Variants in SIDT1 observed in about 807,000 individuals in gnomAD.
SIDT1 encodes the protein SID1 transmembrane family, member 1.
SIDT1 carries 101 observed loss-of-function variants against 107.5 expected under a neutral mutation model. That is an observed-to-expected ratio of 0.94 (90% CI 0.80 to 1.11). The LOEUF is 1.11. Among genes scored for constraint, SIDT1 ranks in the 50% least tolerant of loss-of-function variants. The pLI is 0.00. For missense variants in SIDT1, 1,076 were observed against 1,058.2 expected (o/e 1.02, Z -0.23); for synonymous variants, 395 against 398.2 (o/e 0.99, Z 0.10).
intron 14 of SIDT1, 49 bp downstream of exon 14, chr3:113,605,025 A>C: frequency 6.3e-7 from 1 of 1,594,120 alleles, no homozygotes; most frequent in Non-Finnish European, 8.6e-7. Flanking sequence ...TTCTTTCTGC[A>C]GGGAGAGTCT....
rs369734070 is a variant in SIDT1 at position 113,608,403 on chromosome 3, C to A, written c.1603-16C>A. On this transcript the variant is annotated splice_polypyrimidine_tract_variant and intron_variant, in intron 16 of 24. Coordinates refer to ENST00000264852, the MANE Select transcript of SIDT1 (RefSeq NM_017699.3). Reference sequence around the variant, plus strand: ...CACTATTTAGTATCTATTGACCACCCTTTCTCCTTTTTCAGGAGTACGGGA... The same window carrying A: ...CACTATTTAGTATCTATTGACCACCATTTCTCCTTTTTCAGGAGTACGGGA... 6.3e-7 allele frequency: 1 copy of A among 1,590,692 alleles called. No homozygotes were observed.
At chr3:113,555,849 CTTTT>C (rs11367567) in intron 1 of SIDT1, among the ~76,000 whole-genome samples, 111 of 126,738 alleles carry the variant, frequency 8.8e-4, no homozygotes, top group Middle Eastern at 8.0e-3. Context: ...ACTATATAAT[CTTTT>C]TTTTTTTTTT....
In SIDT1 at chr3:113,566,338, T is replaced by TTGTGTGTGTGTGTG. The variant is rs55802002; in HGVS notation, c.223-68_223-55dup. The TTGTGTGTGTGTGTG allele has an allele frequency of 1.6e-5, 18 of 1,099,468 alleles. No homozygotes were observed. In the African/African-American group the frequency reaches 1.7e-4, roughly 11 times the overall value. 68.1% of individuals were successfully genotyped at this position (1,099,468 alleles called of 1,614,324 possible). The stretch of plus-strand genomic sequence containing the variant: ...CTATGGTGTGTGTGTTTGTGTGTGT[T>TTGTGTGTGTGTGTG]TGTGTGTGTGTGTGTGTGTGTGTGT... On this transcript the variant is annotated intron_variant, in intron 1 of 24. Transcript: ENST00000264852.
intron 17 of SIDT1, among the ~76,000 whole-genome samples, chr3:113,609,759 G>A (rs1945608226): frequency 6.6e-6 from 1 of 152,102 alleles, no homozygotes; most frequent in South Asian, 2.1e-4. Context: ...TTTCAATAGA[G>A]AAAACTGCAG....
chr3:113,590,265 T>A (rs1944049687), intron 9 of SIDT1: 1 of 152,160 alleles, frequency 6.6e-6, no homozygotes, highest in East Asian at 1.9e-4. Flanking sequence ...GAAGAGAAGT[T>A]CTTCCACCAA....
chr3:113,621,868 G>A (rs915932515), intron 21 of SIDT1, among the ~76,000 whole-genome samples: 5 of 152,242 alleles, frequency 3.3e-5, no homozygotes, highest in East Asian at 1.9e-4. Context: ...TCACACGTAC[G>A]GTCCAATACA....
intron 15 of SIDT1, among the ~76,000 whole-genome samples, chr3:113,607,433 C>T (rs1028803764): frequency 2.0e-5 from 3 of 152,200 alleles, no homozygotes; most frequent in African/African-American, 7.2e-5. Context: ...CATTAAACAA[C>T]CTCGTGAGAT....
rs1946971980 is a variant in SIDT1 at position 113,628,118 on chromosome 3, C to T, written c.*410C>T. The stretch of plus-strand genomic sequence containing the variant: ...CAGAAAGGCCAGCAGCTTGGACTTC[C>T]TGCCCAGAAACTGTGTTGGCCCCCT... On this transcript the variant is annotated 3_prime_UTR_variant, in exon 25 of 25. Coordinates refer to ENST00000264852, the MANE Select transcript of SIDT1 (RefSeq NM_017699.3). 3 of 182,882 alleles carry T rather than the reference C, an allele frequency of 1.6e-5. No individual in the cohort carries two copies. Among genetic ancestry groups the T allele is most frequent in the Non-Finnish European group, 3.4e-5 (3 of 87,016 alleles). 11.3% of individuals were successfully genotyped at this position (182,882 alleles called of 1,614,324 possible).
intron 10 of SIDT1, among the ~76,000 whole-genome samples, chr3:113,597,696 G>A (rs1944672109): frequency 6.6e-6 from 1 of 152,104 alleles, no homozygotes; most frequent in Admixed American, 6.5e-5. Flanking sequence ...TAAAAAGCAA[G>A]CGTGCAAGCA....
At chr3:113,552,189 A>G (rs1450412652) in intron 1 of SIDT1, among the ~76,000 whole-genome samples, 1 of 152,144 alleles carries the variant, frequency 6.6e-6, no homozygotes, top group Non-Finnish European at 1.5e-5. Context: ...CCTGCCTTCT[A>G]AAAAATATCC....
downstream of SIDT1, among the ~76,000 whole-genome samples, chr3:113,631,801 C>T (rs534699993): frequency 2.0e-5 from 3 of 152,284 alleles, no homozygotes; most frequent in South Asian, 6.2e-4. Context: ...TCCTGAAGCA[C>T]GGTCTTGCTA....
intron 1 of SIDT1, among the ~76,000 whole-genome samples, chr3:113,557,136 G>A (rs1237431731): frequency 6.6e-6 from 1 of 152,168 alleles, no homozygotes; most frequent in Non-Finnish European, 1.5e-5. Context: ...AGTCGAGCAA[G>A]GTTCAGCACA....
rs748293862 is a variant in SIDT1 at position 113,623,424 on chromosome 3, C to A, written c.2091-3C>A. On this transcript the variant is annotated splice_polypyrimidine_tract_variant and splice_region_variant and intron_variant, in intron 21 of 24. Transcript: ENST00000264852. ...GCTGCCCACATTTCTCCCACGCCTG[C>A]AGCGCCCTCTTTGGATTGATATACC... 4 of 1,606,456 alleles carry A rather than the reference C, an allele frequency of 2.5e-6. No homozygotes were observed. In the Admixed American group the frequency reaches 6.7e-5, roughly 27 times the overall value.
At chr3:113,585,071 C>T in intron 8 of SIDT1, 106 bp from the exon 9 acceptor site, 1 of 799,174 alleles carries the variant, frequency 1.3e-6, no homozygotes, top group Non-Finnish European at 2.1e-6. Context: ...TTTATTAGGA[C>T]CTAAGAATCA....
At chr3:113,587,112 T>C (rs555131577) in intron 9 of SIDT1, among the ~76,000 whole-genome samples, 1 of 152,152 alleles carries the variant, frequency 6.6e-6, no homozygotes, top group Non-Finnish European at 1.5e-5. Context: ...TTTTTTGAAA[T>C]ATTTAGGAAT....
At chr3:113,590,465 C>G (rs7630453) in intron 9 of SIDT1, among the ~76,000 whole-genome samples, 2,338 of 152,226 alleles carry the variant, frequency 0.015, 69 homozygotes, top group African/African-American at 0.053. Flanking sequence ...TTAATAATGA[C>G]TTTATTGAGA....
At position 113,608,054 on chromosome 3, in the gene SIDT1, T is replaced by G. The variant is rs201457900; in HGVS notation, c.1479-40T>G. On this transcript the variant is annotated intron_variant, in intron 15 of 24. Coordinates refer to ENST00000264852, the MANE Select transcript of SIDT1 (RefSeq NM_017699.3). The stretch of plus-strand genomic sequence containing the variant: ...TCATGTATTCTCTGGGTCCCTTTGA[T>G]GGTCTTGACTCTCTCATGGTCTCTC... The G allele has an allele frequency of 4.8e-4, 715 of 1,504,574 alleles. 1 individual carries two copies. Among genetic ancestry groups the G allele is most frequent in the Middle Eastern group, 2.5e-3 (14 of 5,594 alleles). 93.2% of individuals were successfully genotyped at this position (1,504,574 alleles called of 1,614,324 possible).
chr3:113,617,760 CTT>C (rs1411452206), intron 20 of SIDT1, among the ~76,000 whole-genome samples: 2 of 152,090 alleles, frequency 1.3e-5, no homozygotes, highest in African/African-American at 4.8e-5. Context: ...TTTTAATAGA[CTT>C]TATATTTTTT....
At chr3:113,598,960 C>T (rs918472867) in intron 10 of SIDT1, among the ~76,000 whole-genome samples, 4 of 152,104 alleles carry the variant, frequency 2.6e-5, no homozygotes, top group Non-Finnish European at 5.9e-5. Flanking sequence ...GATTCTGTCT[C>T]TACAAATAAT....
Sources: gnomAD v4.1 joint callset for allele counts (sites outside exome capture counted in the v4.1 genomes callset) on GRCh38, gnomAD v4.1.1 for gene constraint, MANE v1.5 for transcripts, NCBI Gene and HGNC (gene_info 2026-07-23, HGNC 2026-07-21) for gene names.